The following CARF variants were observed in gnomAD, a reference collection of about 807,000 sequenced individuals.
CARF encodes the protein calcium-responsive transcription factor.
Under a neutral mutation model 82.0 loss-of-function variants are expected in CARF, and 57 were observed. The ratio of observed to expected loss-of-function variants is 0.70; its 90% CI spans 0.56 to 0.87. The LOEUF is 0.87. Among genes scored for constraint, CARF ranks in the 40% least tolerant of loss-of-function variants. CARF has a pLI of 0.00. For synonymous variants in CARF, 268 were observed against 290.1 expected (o/e 0.92, Z 0.77); for missense variants, 771 against 855.8 (o/e 0.90, Z 1.24).
At chr2:202,938,888 T>G (rs1029735424) in intron 3 of CARF, among the ~76,000 whole-genome samples, 4 of 152,132 alleles carry the variant, frequency 2.6e-5, no homozygotes, top group African/African-American at 9.7e-5. Flanking sequence ...CCAATCTACT[T>G]TCTTAAAACC....
chr2:202,931,602 T>G (rs530819659), intron 3 of CARF, among the ~76,000 whole-genome samples: 18 of 152,336 alleles, frequency 1.2e-4, no homozygotes, highest in African/African-American at 4.3e-4. Flanking sequence ...AGAGTAGCTT[T>G]GTAGAGAAAG....
At position 202,955,689 on chromosome 2, in the gene CARF, C is replaced by G; in HGVS notation, c.573C>G (p.Pro191=). 1 of 1,605,906 alleles carries G rather than the reference C, an allele frequency of 6.2e-7. No homozygotes were observed. Among genetic ancestry groups the G allele is most frequent in the Non-Finnish European group, 8.5e-7 (1 of 1,175,666 alleles). ...KKSVTGMLEE[P]LLGPLQPLSS... is the part of the protein sequence containing the mutation. ...CCTATCCCAGAATGCTGGAAGAACCCCTTCTGGGGCCTCTTCAGCCACTTT... is the reference window on the plus strand; with the variant it reads ...CCTATCCCAGAATGCTGGAAGAACCGCTTCTGGGGCCTCTTCAGCCACTTT... Residue 191 remains proline, a synonymous_variant, in exon 8 of 17, where the codon CCC becomes CCG. Transcript: ENST00000438828.
At chr2:202,915,203 G>A (rs1689401704) in intron 1 of CARF, among the ~76,000 whole-genome samples, 1 of 151,454 alleles carries the variant, frequency 6.6e-6, no homozygotes, top group Non-Finnish European at 1.5e-5. Context: ...TTTTAGTAGA[G>A]AAGGGGTTTC....
intron 2 of CARF, among the ~76,000 whole-genome samples, chr2:202,922,272 C>G (rs1378140514): frequency 1.3e-5 from 2 of 152,002 alleles, no homozygotes; most frequent in Non-Finnish European, 2.9e-5. Context: ...GCCACCACAC[C>G]CAGCTAATTT....
rs918085351 is a variant in CARF, at chr2:202,986,574, C to A, written c.*2950C>A. 14 of 151,930 alleles carry A rather than the reference C, an allele frequency of 9.2e-5. No individual in the cohort carries two copies. The highest frequency in any genetic ancestry group is 3.4e-4 in the African/African-American group (14 of 41,468). 9.4% of individuals were successfully genotyped at this position (151,930 alleles called of 1,614,324 possible). ...TACAGTGAATTATAGATAAATACAG[C>A]CATGGTGGACCTTTCCCTCAATAGT... On this transcript the variant is annotated 3_prime_UTR_variant, in exon 17 of 17. Transcript: ENST00000438828.
At chr2:202,918,469 C>G (rs1001737353) in intron 2 of CARF, among the ~76,000 whole-genome samples, 2 of 151,814 alleles carry the variant, frequency 1.3e-5, no homozygotes, top group South Asian at 4.2e-4. Context: ...TGCAGTGAGC[C>G]GAGAGCTTGC....
intron 9 of CARF, among the ~76,000 whole-genome samples, chr2:202,965,621 T>C (rs2105896718): frequency 6.6e-6 from 1 of 152,288 alleles, no homozygotes; most frequent in Non-Finnish European, 1.5e-5. Context: ...TTATATATCT[T>C]ATAAAATGCT....
At chr2:202,980,616 G>GTACA (rs1553578617) in intron 14 of CARF, among the ~76,000 whole-genome samples, 21 of 42,660 alleles carry the variant, frequency 4.9e-4, no homozygotes, top group Non-Finnish European at 8.3e-4. Context: ...CGTCTTTCAA[G>GTACA]TATATATATA....
intron 5 of CARF, among the ~76,000 whole-genome samples, chr2:202,951,872 G>A (rs573621779): frequency 2.0e-5 from 3 of 147,814 alleles, no homozygotes; most frequent in South Asian, 2.1e-4. Context: ...TCGCTCTGTC[G>A]CCCAGGCTGG....
intron 14 of CARF, 118 bp downstream of exon 14, chr2:202,977,450 G>A (rs888854703): frequency 1.8e-5 from 13 of 723,334 alleles, no homozygotes; most frequent in African/African-American, 7.1e-5. Context: ...ATCCAAAGAC[G>A]TAGGAGCAGC....
chr2:202,944,863 T>C (rs1574606452), intron 5 of CARF, among the ~76,000 whole-genome samples: 1 of 152,174 alleles, frequency 6.6e-6, no homozygotes, highest in East Asian at 1.9e-4. Flanking sequence ...CTAGGGTACC[T>C]TTCCGAGCAA....
At chr2:202,965,491 C>CT (rs1310045870) in intron 9 of CARF, among the ~76,000 whole-genome samples, 4 of 151,720 alleles carry the variant, frequency 2.6e-5, no homozygotes, top group South Asian at 2.1e-4. Flanking sequence ...CATTTACTAC[C>CT]TTTTTTTTCT....
chr2:202,969,789 C>G, intron 10 of CARF, 130 bp from the exon 11 acceptor site: 1 of 516,928 alleles, frequency 1.9e-6, no homozygotes, highest in Non-Finnish European at 3.3e-6. Flanking sequence ...TTACATAAGC[C>G]TCTGAATACT....
chr2:202,982,139 A>C lies in CARF; in HGVS notation c.1757A>C (p.Gln586Pro), dbSNP rs774202652. Reference protein sequence around the residue: ...ESPAVVSVNNQPSSSPSGLLD... With the variant: ...ESPAVVSVNNPPSSSPSGLLD... ...CCAGCTGTGGTATCAGTAAATAACC[A>C]GCCGTCCTCTAGTCCTTCAGGACTT... is the stretch of plus-strand genomic sequence containing the variant. The change falls in exon 16 of 17, where the codon CAG becomes CCG. Residue 586 changes from glutamine to proline, a missense_variant. Transcript: ENST00000438828. 3.7e-6 allele frequency: 6 copies of C among 1,614,160 alleles called. No homozygotes were observed. The highest frequency in any genetic ancestry group is 5.1e-6 in the Non-Finnish European group (6 of 1,179,996).
intron 5 of CARF, among the ~76,000 whole-genome samples, chr2:202,945,065 A>G (rs1262023829): frequency 6.6e-6 from 1 of 152,212 alleles, no homozygotes; most frequent in Non-Finnish European, 1.5e-5. Context: ...AGATTATAAG[A>G]AAGAATTTTC....
chr2:202,924,865 C>T (rs1213236195), intron 3 of CARF: 1 of 193,988 alleles, frequency 5.2e-6, no homozygotes, highest in Non-Finnish European at 1.1e-5. Context: ...CCTCCCGAGT[C>T]CCCTTAAGCT....
rs2058550887 is a variant in CARF at position 202,947,397 on chromosome 2, G to A, written c.306+4430G>A. ...AGGAACAGAAAACCAAACACCTAAT[G>A]TTCTCACTCATAAATGGGATTTGAA... On this transcript the variant is annotated intron_variant, in intron 5 of 16. Transcript: ENST00000438828. Among the ~76,000 whole-genome samples, 4 of 152,172 alleles carry A rather than the reference G, an allele frequency of 2.6e-5. 1 individual carries two copies. The South Asian group carries it at 8.3e-4, about 32-fold the overall frequency.
At chr2:202,925,953 C>G (rs1225551700) in intron 3 of CARF, 1 of 159,014 alleles carries the variant, frequency 6.3e-6, no homozygotes, top group Non-Finnish European at 1.4e-5. Context: ...ACAAGTATGA[C>G]CTAGGGCCCC....
chr2:202,986,885 T>TATATACATATATATATACATATAC lies in CARF; in HGVS notation c.*3266_*3267insCATATATATATACATATACATATA, dbSNP rs1431544786. The TATATACATATATATATACATATAC allele has an allele frequency of 1.1e-5, 1 of 94,346 alleles. No individual in the cohort carries two copies. The highest frequency in any genetic ancestry group is 1.1e-4 in the Admixed American group (1 of 8,996). 5.8% of individuals were successfully genotyped at this position (94,346 alleles called of 1,614,324 possible). On this transcript the variant is annotated 3_prime_UTR_variant, in exon 17 of 17. Transcript: ENST00000438828. ...GTCTGTGCGTATATATATATATATATATATATATATATATATATATATAGC... is the reference window on the plus strand; with the variant it reads ...GTCTGTGCGTATATATATATATATATATATACATATATATATACATATACATATATATATATATATATATATAGC...
Sources: allele counts gnomAD v4.1 joint callset (sites outside exome capture counted in the v4.1 genomes callset), GRCh38; gene constraint gnomAD v4.1.1; transcripts MANE v1.5; gene names NCBI Gene and HGNC (gene_info 2026-07-23, HGNC 2026-07-21).